BRIX1: variants seen among roughly 807,000 people sequenced by gnomAD.
BRIX1 encodes biogenesis of ribosomes BRX1.
Under a neutral mutation model 44.0 loss-of-function variants are expected in BRIX1, and 15 were observed. That is an observed-to-expected ratio of 0.34 (90% CI 0.23 to 0.53). The LOEUF is 0.53. Among genes scored for constraint, BRIX1 ranks in the 20% least tolerant of loss-of-function variants. The probability of loss-of-function intolerance (pLI) is 0.95; values close to 1 mark genes in which losing one functional copy is unlikely to be tolerated. For missense variants in BRIX1, 420 were observed against 432.8 expected, an observed-to-expected ratio of 0.97 and a Z score of 0.26; for synonymous variants, 149 against 135.4, an observed-to-expected ratio of 1.10 and a Z score of -0.70.
At chr5:34,924,226 C>A (rs780418799) in intron 8 of BRIX1, among the ~76,000 whole-genome samples, 5 of 152,108 alleles carry the variant, frequency 3.3e-5, no homozygotes, top group African/African-American at 1.2e-4. Flanking sequence ...AAGAGAACAG[C>A]AAGAACAAAA....
chr5:34,919,907 C>T lies in BRIX1; in HGVS notation c.315+24C>T, dbSNP rs41270653. Reference sequence around the variant, plus strand: ...AGGTAATTTTGGAAAGTAATTGCAACAAAATATTTTTAAAATGTTAACAGT... The same window carrying T: ...AGGTAATTTTGGAAAGTAATTGCAATAAAATATTTTTAAAATGTTAACAGT... On this transcript the variant is annotated intron_variant, in intron 3 of 9. Coordinates refer to ENST00000336767, the MANE Select transcript of BRIX1 (RefSeq NM_018321.4). 2.9e-4 allele frequency: 277 copies of T among 956,910 alleles called. No homozygotes were observed. The African/African-American group carries it at 3.9e-3, about 14-fold the overall frequency. 59.3% of individuals were successfully genotyped at this position (956,910 alleles called of 1,614,324 possible).
chr5:34,918,310 A>G (rs37434), intron 1 of BRIX1, 54 bp from the exon 2 acceptor site: 252,217 of 930,194 alleles, frequency 0.27, 36,512 homozygotes, highest in East Asian at 0.37. Context: ...GTCACAAAAC[A>G]AGATCAGTTC....
Position 34,923,135 on chromosome 5 carries a change from C to A in BRIX1, c.564C>A (p.Ile188=), listed in dbSNP as rs575194758. 519 of 1,612,396 alleles carry A rather than the reference C, an allele frequency of 3.2e-4. 12 individuals carry two copies. In the South Asian group the frequency reaches 5.4e-3, roughly 17 times the overall value. The part of the protein sequence containing the change: ...YALLKELLIQ[I]FSTPRYHPKS... ...CTAACATACACTTTTTTAACTAGAT[C>A]TTTAGTACACCACGGTATCATCCCA... is the stretch of plus-strand genomic sequence containing the variant. Residue 188 remains isoleucine, a splice_region_variant and synonymous_variant, in exon 8 of 10, where the codon ATC becomes ATA. Transcript: ENST00000336767.
chr5:34,919,948 T>A (rs1294483754), intron 3 of BRIX1, 65 bp downstream of exon 3: 1 of 631,656 alleles, frequency 1.6e-6, no homozygotes, highest in African/African-American at 1.9e-5. Flanking sequence ...ATTTCAAAAC[T>A]AAGTCATTCA....
chr5:34,918,207 A>C, intron 1 of BRIX1, 157 bp from the exon 2 acceptor site: 1 of 472,170 alleles, frequency 2.1e-6, no homozygotes. Flanking sequence ...GCTACTGTAG[A>C]TGCTGGGGTG....
chr5:34,917,465 C>G (rs1276557586), intron 1 of BRIX1, among the ~76,000 whole-genome samples: 6 of 151,280 alleles, frequency 4.0e-5, no homozygotes, highest in Non-Finnish European at 8.8e-5. Context: ...AACCCCGTCT[C>G]TACTAACACT....
chr5:34,918,600 C>T, intron 2 of BRIX1, 125 bp downstream of exon 2: 1 of 518,148 alleles, frequency 1.9e-6, no homozygotes, highest in Non-Finnish European at 3.3e-6. Context: ...TGCCTTTTAT[C>T]CTTTCAAGTG....
chr5:34,922,852 T>G (rs1764270377), intron 6 of BRIX1, 84 bp downstream of exon 6: 1 of 1,359,350 alleles, frequency 7.4e-7, no homozygotes, highest in African/African-American at 1.4e-5. Flanking sequence ...TTATTCAATT[T>G]AGTTTCACCC....
chr5:34,925,613 G>A lies in BRIX1; in HGVS notation c.*118G>A. ...TAATTAGTGTAGCATTTACAAGAAA[G>A]AAAAATTAAGATCTTAAAATCAGTG... is the stretch of plus-strand genomic sequence containing the variant. On this transcript the variant is annotated 3_prime_UTR_variant, in exon 10 of 10. Transcript: ENST00000336767. The A allele has an allele frequency of 1.3e-6, 1 of 772,400 alleles. No individual in the cohort carries two copies. Among genetic ancestry groups the A allele is most frequent in the Non-Finnish European group, 1.9e-6 (1 of 520,032 alleles). 47.8% of individuals were successfully genotyped at this position (772,400 alleles called of 1,614,324 possible). A position where few individuals can be genotyped will look rare whatever the true frequency, so the allele number is the denominator to read the frequency against.
chr5:34,920,073 G>A (rs964147134), intron 3 of BRIX1, 190 bp downstream of exon 3: 11 of 404,090 alleles, frequency 2.7e-5, no homozygotes, highest in African/African-American at 4.2e-5. Flanking sequence ...ATTTCTGTTT[G>A]TTTTGTCTGA....
At chr5:34,919,290 A>G (rs1764188384) in intron 2 of BRIX1, among the ~76,000 whole-genome samples, 1 of 150,598 alleles carries the variant, frequency 6.6e-6, no homozygotes, top group African/African-American at 2.4e-5. Context: ...AAAAAAAAAA[A>G]AAAAAAAAAA....
intron 4 of BRIX1, 101 bp from the exon 5 acceptor site, chr5:34,922,438 T>G (rs1175990589): frequency 1.9e-5 from 17 of 915,714 alleles, no homozygotes; most frequent in Non-Finnish European, 2.9e-5. Flanking sequence ...TAAAGAAAAT[T>G]AAATGTATAA....
chr5:34,921,912 A>C, intron 3 of BRIX1: 4 of 165,798 alleles, frequency 2.4e-5, no homozygotes, highest in East Asian at 1.6e-4. Flanking sequence ...CATCGCAAAA[A>C]AAAAAAAAAA....
At position 34,922,528 on chromosome 5, in the gene BRIX1, A is replaced by C; in HGVS notation, c.387-11A>C. On this transcript the variant is annotated splice_polypyrimidine_tract_variant and intron_variant, in intron 4 of 9. Transcript: ENST00000336767. ...CTAATTAGTTGAAAAAGCTTACTCC[A>C]TATCTTTCAGGCTTTCAAATTCACC... 6.3e-7 allele frequency: 1 copy of C among 1,586,050 alleles called. No homozygotes were observed. The highest frequency in any genetic ancestry group is 8.7e-7 in the Non-Finnish European group (1 of 1,155,456).
Position 34,915,942 on chromosome 5 carries a change from T to A in BRIX1, c.159+45T>A, listed in dbSNP as rs544424484. The A allele has an allele frequency of 4.0e-5, 60 of 1,493,670 alleles. No individual in the cohort carries two copies. The South Asian group carries it at 7.5e-4, about 19-fold the overall frequency. The allele number at this position is 1,493,670 out of a possible 1,614,324, so 92.5% of individuals were successfully genotyped here. ...GGCTACACCTGCGGCGGCGGCTCTG[T>A]GCGCCTTTTCTTGGGTTACTTACTT... On this transcript the variant is annotated intron_variant, in intron 1 of 9. Transcript: ENST00000336767.
intron 3 of BRIX1, 97 bp from the exon 4 acceptor site, chr5:34,922,120 T>C: frequency 1.6e-6 from 1 of 641,810 alleles, no homozygotes; most frequent in East Asian, 2.9e-5. Flanking sequence ...CCTGGTTAGG[T>C]ATTTTTGAGA....
At chr5:34,920,897 C>G (rs570618782) in intron 3 of BRIX1, 2 of 151,856 alleles carry the variant, frequency 1.3e-5, no homozygotes, top group South Asian at 4.1e-4. Flanking sequence ...AAAAGTCTCT[C>G]TCTGTTACCC....
At chr5:34,916,773 A>T (rs1764108208) in intron 1 of BRIX1, 1 of 152,260 alleles carries the variant, frequency 6.6e-6, no homozygotes, top group African/African-American at 2.4e-5. Flanking sequence ...AAGCTCTAAG[A>T]AAGAAGTGAG....
chr5:34,922,345 C>T (rs752307327), intron 4 of BRIX1, 58 bp downstream of exon 4: 3 of 1,145,432 alleles, frequency 2.6e-6, no homozygotes, highest in Non-Finnish European at 3.9e-6. Flanking sequence ...GTTCTTTGTA[C>T]CTTTTATGTT....
Sources: gnomAD v4.1 joint callset for allele counts (sites outside exome capture counted in the v4.1 genomes callset) on GRCh38, gnomAD v4.1.1 for gene constraint, MANE v1.5 for transcripts, NCBI Gene and HGNC (gene_info 2026-07-23, HGNC 2026-07-21) for gene names.